The following OTUD7A variants were observed in gnomAD, a reference collection of about 807,000 sequenced individuals.
OTUD7A encodes OTU deubiquitinase 7A.
Under a neutral mutation model 65.7 loss-of-function variants are expected in OTUD7A, and 12 were observed. The ratio of observed to expected loss-of-function variants is 0.18; its 90% CI spans 0.12 to 0.30. The LOEUF is 0.30. OTUD7A is among the 10% of genes least tolerant of loss of function. The pLI, the probability that OTUD7A is intolerant of heterozygous loss-of-function variation, is 1.00. For synonymous variants in OTUD7A, 641 were observed against 586.3 expected (o/e 1.09, Z -1.35); for missense variants, 1,148 against 1,304.8 (o/e 0.88, Z 1.85).
At chr15:31,846,604 A>G (rs915037089) in intron 1 of OTUD7A, among the ~76,000 whole-genome samples, 3 of 152,150 alleles carry the variant, frequency 2.0e-5, no homozygotes, top group African/African-American at 7.2e-5. Flanking sequence ...TCCGCAGCAA[A>G]GCCATGGTGC....
At chr15:31,768,575 C>A (rs529099749) in intron 1 of OTUD7A, among the ~76,000 whole-genome samples, 1 of 151,966 alleles carries the variant, frequency 6.6e-6, no homozygotes, top group East Asian at 1.9e-4. Flanking sequence ...GGGAGGCTCA[C>A]TTGAGTCTGG....
chr15:31,648,846 C>A (rs1469897047), intron 3 of OTUD7A, among the ~76,000 whole-genome samples: 1 of 152,156 alleles, frequency 6.6e-6, no homozygotes, highest in South Asian at 2.1e-4. Context: ...CTACAACCTC[C>A]GCCTCCTGGG....
chr15:31,577,703 A>AAATAT (rs1889245959), intron 3 of OTUD7A, among the ~76,000 whole-genome samples: 1 of 152,178 alleles, frequency 6.6e-6, no homozygotes, highest in East Asian at 1.9e-4. Context: ...CCGTCTCAAA[A>AAATAT]AATATATATA....
At chr15:31,870,422 GC>G in intron 1 of OTUD7A, 84 bp downstream of exon 1, 1 of 146,716 alleles carries the variant, frequency 6.8e-6, no homozygotes, top group African/African-American at 2.5e-5. Context: ...GACGGCGCCG[GC>G]CCCGCGCCCG....
chr15:31,815,154 T>A (rs1352089985), intron 1 of OTUD7A, among the ~76,000 whole-genome samples: 1 of 152,150 alleles, frequency 6.6e-6, no homozygotes, highest in Non-Finnish European at 1.5e-5. Context: ...TGTATCTAAA[T>A]CTGCAATTGC....
intron 3 of OTUD7A, among the ~76,000 whole-genome samples, chr15:31,590,106 G>GA (rs1449137436): frequency 6.6e-6 from 1 of 152,168 alleles, no homozygotes; most frequent in Non-Finnish European, 1.5e-5. Context: ...TAGTGGAGCT[G>GA]AAAAATTCCT....
intron 1 of OTUD7A, among the ~76,000 whole-genome samples, chr15:31,814,396 C>T (rs1047173056): frequency 2.5e-4 from 38 of 152,208 alleles, no homozygotes; most frequent in Non-Finnish European, 4.4e-5. Flanking sequence ...ACCAACAGCA[C>T]TGATGATGAC....
intron 1 of OTUD7A, among the ~76,000 whole-genome samples, chr15:31,800,286 G>A (rs941877705): frequency 2.0e-5 from 3 of 152,132 alleles, no homozygotes; most frequent in Non-Finnish European, 4.4e-5. Context: ...TCTGCTCCCA[G>A]GCAAAAAGCC....
In OTUD7A at chr15:31,483,306, C is replaced by A; in HGVS notation, c.2790G>T (p.Gly930=). ...EELRRRREAR[G]ARP ...CGCGCCGCGCCGCTCAGGGCCGGGC[C>A]CCGCGCGCCTCGCGCCGCCGCCGCA... Residue 930 remains glycine (G), a synonymous_variant, in exon 13 of 13, where the codon GGG becomes GGT. Transcript: ENST00000307050. The A allele has an allele frequency of 1.7e-6, 2 of 1,185,238 alleles. No homozygotes were observed. The highest frequency in any genetic ancestry group is 2.1e-6 in the Non-Finnish European group (2 of 956,298). 73.4% of individuals were successfully genotyped at this position (1,185,238 alleles called of 1,614,324 possible).
At chr15:31,804,972 C>T (rs1358382009) in intron 1 of OTUD7A, among the ~76,000 whole-genome samples, 4 of 152,142 alleles carry the variant, frequency 2.6e-5, no homozygotes, top group African/African-American at 4.8e-5. Context: ...TCCCAGGCAC[C>T]GTGTTGAAAG....
intron 5 of OTUD7A, among the ~76,000 whole-genome samples, chr15:31,541,163 T>G (rs909299745): frequency 6.6e-6 from 1 of 152,170 alleles, no homozygotes; most frequent in Non-Finnish European, 1.5e-5. Context: ...AATTTTTTTT[T>G]GCCTACATTC....
At chr15:31,825,005 T>C (rs979872796) in intron 1 of OTUD7A, among the ~76,000 whole-genome samples, 1 of 152,208 alleles carries the variant, frequency 6.6e-6, no homozygotes, top group Non-Finnish European at 1.5e-5. Context: ...GAGGGCCCCA[T>C]TGTTCCACTC....
At chr15:31,745,862 A>T (rs7161934) in intron 1 of OTUD7A, among the ~76,000 whole-genome samples, 41,857 of 151,892 alleles carry the variant, frequency 0.28, 5,900 homozygotes, top group Admixed American at 0.32. Context: ...CAATTTTTTT[A>T]AAAAAATTGC....
At chr15:31,828,786 T>C (rs946669468) in intron 1 of OTUD7A, among the ~76,000 whole-genome samples, 19 of 152,164 alleles carry the variant, frequency 1.2e-4, no homozygotes, top group African/African-American at 4.6e-4. Flanking sequence ...AAGCATTTAT[T>C]GTCCCTGTCC....
At chr15:31,615,462 C>T (rs887878260) in intron 3 of OTUD7A, among the ~76,000 whole-genome samples, 1 of 151,980 alleles carries the variant, frequency 6.6e-6, no homozygotes, top group African/African-American at 2.4e-5. Context: ...AAGGAAAAAT[C>T]GACAGAAAAT....
intron 8 of OTUD7A, among the ~76,000 whole-genome samples, chr15:31,514,950 G>C (rs941536705): frequency 1.3e-5 from 2 of 152,194 alleles, no homozygotes; most frequent in Non-Finnish European, 2.9e-5. Flanking sequence ...CAGGTGATTA[G>C]CCTGCCCAGC....
chr15:31,757,243 T>A (rs960151884), intron 1 of OTUD7A, among the ~76,000 whole-genome samples: 3 of 152,114 alleles, frequency 2.0e-5, no homozygotes, highest in Admixed American at 1.3e-4. Context: ...GATCTAATTC[T>A]AACCCCAAAG....
intron 10 of OTUD7A, among the ~76,000 whole-genome samples, chr15:31,495,327 TACTC>T (rs746440598): frequency 5.7e-4 from 87 of 152,216 alleles, no homozygotes; most frequent in Admixed American, 2.7e-3. Flanking sequence ...TAATCAGCGT[TACTC>T]AGCTCTCTGG....
chr15:31,799,083 T>C (rs1354501556), intron 1 of OTUD7A, among the ~76,000 whole-genome samples: 3 of 152,086 alleles, frequency 2.0e-5, no homozygotes, highest in African/African-American at 7.2e-5. Context: ...AAATAGCAAG[T>C]GTACATGTTC....
Sources: allele counts gnomAD v4.1 joint callset (sites outside exome capture counted in the v4.1 genomes callset), GRCh38; gene constraint gnomAD v4.1.1; transcripts MANE v1.5; gene names NCBI Gene and HGNC (gene_info 2026-07-23, HGNC 2026-07-21).